DHX57: variants seen among roughly 807,000 people sequenced by gnomAD.
DHX57 encodes the protein DExH-box helicase 57.
DHX57 carries 105 observed loss-of-function variants against 156.2 expected under a neutral mutation model. That is an observed-to-expected ratio of 0.67 (90% confidence interval 0.57 to 0.79). The LOEUF (loss-of-function observed/expected upper bound fraction) is 0.79. DHX57 is among the 30% of genes least tolerant of loss of function. The pLI is 0.00. For missense variants in DHX57, 1,847 were observed against 1,661.9 expected (o/e 1.11, Z -1.94); for synonymous variants, 704 against 595.6 (o/e 1.18, Z -2.65).
At chr2:38,813,129 A>G (rs1670356450) in intron 21 of DHX57, among the ~76,000 whole-genome samples, 1 of 152,060 alleles carries the variant, frequency 6.6e-6, no homozygotes, top group East Asian at 1.9e-4. Flanking sequence ...TACAGGCGTG[A>G]GCCACCATGC....
In DHX57 at chr2:38,837,874, G is replaced by T. The variant is rs774957747; in HGVS notation, c.2499C>A (p.Ala833=). 2 of 1,613,288 alleles carry T rather than the reference G, an allele frequency of 1.2e-6. No individual in the cohort carries two copies. The highest frequency in any genetic ancestry group is 1.7e-6 in the Non-Finnish European group (2 of 1,179,498). ...FEKVNLELIE[A]LLEWIVDGKH... Reference sequence around the variant, plus strand: ...TTCCATCCACAATCCACTCTAATAAGGCCTCTATTAATTCAAGATTCACCT... The same window carrying T: ...TTCCATCCACAATCCACTCTAATAATGCCTCTATTAATTCAAGATTCACCT... Residue 833 remains alanine, a synonymous_variant, in exon 13 of 24, where the codon GCC becomes GCA. Transcript: ENST00000457308.
At chr2:38,844,778 G>T (rs1289860603) in intron 11 of DHX57, among the ~76,000 whole-genome samples, 1 of 151,356 alleles carries the variant, frequency 6.6e-6, no homozygotes, top group South Asian at 2.1e-4. Context: ...GTGGGAAAAA[G>T]AAATACAGAT....
intron 5 of DHX57, among the ~76,000 whole-genome samples, chr2:38,860,192 G>A (rs983442175): frequency 2.6e-5 from 4 of 151,870 alleles, no homozygotes; most frequent in African/African-American, 2.4e-5. Context: ...GCTCACGCCT[G>A]TAATCCCAGC....
intron 13 of DHX57, among the ~76,000 whole-genome samples, chr2:38,835,844 G>A (rs1023303043): frequency 6.6e-6 from 1 of 152,208 alleles, no homozygotes; most frequent in South Asian, 2.1e-4. Context: ...AGACAAGTGA[G>A]AAAATCATAA....
chr2:38,842,369 C>G (rs1304253070), intron 12 of DHX57, among the ~76,000 whole-genome samples: 1 of 152,010 alleles, frequency 6.6e-6, no homozygotes, highest in Non-Finnish European at 1.5e-5. Flanking sequence ...GAAAATACAG[C>G]AAAAATAAAC....
intron 19 of DHX57, 138 bp from the exon 20 acceptor site, chr2:38,815,793 AAGAGG>A: frequency 1.9e-6 from 2 of 1,059,026 alleles, no homozygotes; most frequent in Non-Finnish European, 2.7e-6. Context: ...CTCAGGTATG[AAGAGG>A]ATCTTGTCTG....
At chr2:38,812,624 C>T (rs1439478363) in intron 21 of DHX57, among the ~76,000 whole-genome samples, 1 of 152,222 alleles carries the variant, frequency 6.6e-6, no homozygotes, top group Non-Finnish European at 1.5e-5. Flanking sequence ...ACCTCTGCCT[C>T]CCGGGTTTAA....
At chr2:38,871,847 C>T (rs186412613) in intron 1 of DHX57, among the ~76,000 whole-genome samples, 31 of 152,042 alleles carry the variant, frequency 2.0e-4, no homozygotes, top group African/African-American at 7.5e-4. Flanking sequence ...GCCGGGACTA[C>T]AGGTGACCGC....
intron 12 of DHX57, among the ~76,000 whole-genome samples, chr2:38,841,589 C>G (rs1318992454): frequency 6.6e-6 from 1 of 152,198 alleles, no homozygotes; most frequent in African/African-American, 2.4e-5. Context: ...AAGGAAAATT[C>G]ATTTGCCTTG....
chr2:38,837,191 T>G (rs559562362), intron 13 of DHX57, among the ~76,000 whole-genome samples: 1 of 152,296 alleles, frequency 6.6e-6, no homozygotes, highest in South Asian at 2.1e-4. Flanking sequence ...AGGGGTAGTA[T>G]CTACTGAGCC....
At chr2:38,859,618 G>C (rs916942548) in intron 5 of DHX57, among the ~76,000 whole-genome samples, 15 of 152,066 alleles carry the variant, frequency 9.9e-5, no homozygotes, top group African/African-American at 1.4e-4. Flanking sequence ...GAACACATTT[G>C]AATCCCATGC....
chr2:38,859,633 G>C (rs778915324), intron 5 of DHX57, among the ~76,000 whole-genome samples: 3 of 152,086 alleles, frequency 2.0e-5, no homozygotes, highest in Non-Finnish European at 4.4e-5. Flanking sequence ...CCATGCGCTA[G>C]AAGCTGCCAT....
chr2:38,830,698 A>G (rs112919088), intron 13 of DHX57, among the ~76,000 whole-genome samples: 22 of 152,084 alleles, frequency 1.4e-4, no homozygotes, highest in African/African-American at 4.8e-4. Context: ...CTCAGGTCAC[A>G]GAGTTAGTAA....
chr2:38,856,340 C>G lies in DHX57; in HGVS notation c.1709G>C (p.Gly570Ala). 6.2e-7 allele frequency: 1 copy of G among 1,606,590 alleles called. No homozygotes were observed. Among genetic ancestry groups the G allele is most frequent in the South Asian group, 1.1e-5 (1 of 89,040 alleles). The change falls in exon 7 of 24, where the codon GGA becomes GCA. Residue 570 changes from glycine to alanine, a missense_variant and splice_region_variant. Gly to Ala is a moderately conservative substitution (Grantham distance 60). Coordinates refer to ENST00000457308, the MANE Select transcript of DHX57 (RefSeq NM_198963.3). Reference sequence around the variant, plus strand: ...ACAGATGAATAAACTGCATTCTTACCCAGTCATACCACTTATGACAACCAC... The same window carrying G: ...ACAGATGAATAAACTGCATTCTTACGCAGTCATACCACTTATGACAACCAC... The part of the protein sequence containing the change: ...HQVVVISGMT[G>A]CGKTTQIPQF...
At chr2:38,858,556 A>C in intron 6 of DHX57, 105 bp downstream of exon 6, 1 of 1,420,720 alleles carries the variant, frequency 7.0e-7, no homozygotes, top group Non-Finnish European at 9.4e-7. Flanking sequence ...AGGGAGAAAA[A>C]GAACCAGAAG....
chr2:38,805,102 A>G (rs1280742767), intron 22 of DHX57, among the ~76,000 whole-genome samples: 2 of 152,174 alleles, frequency 1.3e-5, no homozygotes, highest in Non-Finnish European at 2.9e-5. Context: ...TGGATTCTCA[A>G]AAGAGGAGTA....
intron 5 of DHX57, among the ~76,000 whole-genome samples, chr2:38,859,922 C>T (rs1480341816): frequency 6.6e-6 from 1 of 151,734 alleles, no homozygotes; most frequent in African/African-American, 2.4e-5. Flanking sequence ...GTGATTCCCC[C>T]ACATCAGCCT....
Position 38,815,675 on chromosome 2 carries a change from C to T in DHX57, c.3472-20G>A. The T allele has an allele frequency of 6.2e-7, 1 of 1,614,012 alleles. No homozygotes were observed. ...CATTTCCTGAAAGAAGTGGAAAAAC[C>T]TTTAAGCAAGGGCATCAGCATAACA... On this transcript the variant is annotated intron_variant, in intron 19 of 23. Transcript: ENST00000457308.
intron 13 of DHX57, among the ~76,000 whole-genome samples, chr2:38,830,492 G>A (rs373440308): frequency 1.1e-3 from 170 of 152,188 alleles, no homozygotes; most frequent in African/African-American, 3.8e-3. Context: ...GCCTGGCATG[G>A]TGGTGCATGC....
Sources: allele counts gnomAD v4.1 joint callset (sites outside exome capture counted in the v4.1 genomes callset), GRCh38; gene constraint gnomAD v4.1.1; transcripts MANE v1.5; gene names NCBI Gene and HGNC (gene_info 2026-07-23, HGNC 2026-07-21).